NTM: variants seen among roughly 807,000 people sequenced by gnomAD.
NTM encodes IgLON family member 2.
Under a neutral mutation model 42.1 loss-of-function variants are expected in NTM, and 13 were observed. That is an observed-to-expected ratio of 0.31 (90% confidence interval 0.20 to 0.49). NTM has a LOEUF of 0.49. Among genes scored for constraint, NTM ranks in the 20% least tolerant of loss-of-function variants. NTM has a pLI of 0.99. For synonymous variants in NTM, 187 were observed against 179.2 expected, an observed-to-expected ratio of 1.04 and a Z score of -0.35; for missense variants, 373 against 452.8, an observed-to-expected ratio of 0.82 and a Z score of 1.60.
At chr11:131,859,044 T>G (rs1297931994) in intron 1 of NTM, among the ~76,000 whole-genome samples, 1 of 152,162 alleles carries the variant, frequency 6.6e-6, no homozygotes, top group Admixed American at 6.5e-5. Context: ...GGAAATCATT[T>G]CAATTCCTCA....
intron 2 of NTM, among the ~76,000 whole-genome samples, chr11:131,973,112 C>T (rs757269781): frequency 1.3e-5 from 2 of 152,208 alleles, no homozygotes; most frequent in Admixed American, 1.3e-4. Context: ...AAAGAGTGTT[C>T]TCCCAATCAG....
intron 2 of NTM, among the ~76,000 whole-genome samples, chr11:132,074,130 C>T (rs539531471): frequency 1.1e-4 from 17 of 152,316 alleles, no homozygotes; most frequent in South Asian, 6.2e-4. Context: ...GTTTGGAAAA[C>T]AATATGCAGT....
chr11:131,559,347 C>T (rs555967865), intron 1 of NTM, among the ~76,000 whole-genome samples: 35 of 152,324 alleles, frequency 2.3e-4, no homozygotes, highest in Admixed American at 1.4e-3. Context: ...GTATTTCAAT[C>T]GAGTGTTTCT....
chr11:131,448,236 G>A (rs1950216288), intron 1 of NTM, among the ~76,000 whole-genome samples: 1 of 152,240 alleles, frequency 6.6e-6, no homozygotes, highest in South Asian at 2.1e-4. Context: ...TGAGTGAGGG[G>A]TTGGAGCAGC....
chr11:132,224,417 G>A (rs1188990826), intron 4 of NTM, among the ~76,000 whole-genome samples: 1 of 152,060 alleles, frequency 6.6e-6, no homozygotes, highest in African/African-American at 2.4e-5. Context: ...TTTCTCTAGG[G>A]GAATGAATGG....
At chr11:131,636,129 T>C (rs2064343916) in intron 1 of NTM, among the ~76,000 whole-genome samples, 1 of 152,140 alleles carries the variant, frequency 6.6e-6, no homozygotes, top group African/African-American at 2.4e-5. Flanking sequence ...ACCTCCTCCA[T>C]TTCTGCACGC....
intron 2 of NTM, among the ~76,000 whole-genome samples, chr11:131,973,175 C>T (rs544920899): frequency 3.3e-5 from 5 of 152,298 alleles, no homozygotes; most frequent in African/African-American, 9.6e-5. Flanking sequence ...GGGATGACTG[C>T]GCACAAGTGA....
intron 1 of NTM, among the ~76,000 whole-genome samples, chr11:131,851,551 G>A (rs984371281): frequency 6.6e-6 from 1 of 151,876 alleles, no homozygotes; most frequent in Non-Finnish European, 1.5e-5. Context: ...GTGTGTGTGT[G>A]TGTGTGTGTG....
At chr11:131,583,313 C>T (rs2058579656) in intron 1 of NTM, among the ~76,000 whole-genome samples, 1 of 152,168 alleles carries the variant, frequency 6.6e-6, no homozygotes, top group Non-Finnish European at 1.5e-5. Flanking sequence ...TCCACCTCCC[C>T]AATATACTGC....
At chr11:132,142,670 C>T (rs1330658880) in intron 2 of NTM, among the ~76,000 whole-genome samples, 1 of 152,060 alleles carries the variant, frequency 6.6e-6, no homozygotes, top group Non-Finnish European at 1.5e-5. Context: ...AGACTGATAC[C>T]CAGCAGTGAC....
chr11:132,323,902 T>G (rs1237463628), intron 7 of NTM, among the ~76,000 whole-genome samples: 1 of 148,842 alleles, frequency 6.7e-6, no homozygotes, highest in African/African-American at 2.5e-5. Flanking sequence ...ATCCAGCATA[T>G]AAACAGAGCC....
chr11:132,237,655 C>T (rs1245012451), intron 4 of NTM, among the ~76,000 whole-genome samples: 1 of 152,106 alleles, frequency 6.6e-6, no homozygotes, highest in East Asian at 1.9e-4. Flanking sequence ...CAATGCTAGT[C>T]CCTCTCTCTG....
At chr11:132,167,167 G>T (rs897627990) in intron 3 of NTM, among the ~76,000 whole-genome samples, 1 of 152,020 alleles carries the variant, frequency 6.6e-6, no homozygotes, top group Admixed American at 6.5e-5. Flanking sequence ...CATGTACAAT[G>T]ATGAGCAAAA....
At chr11:131,410,238 C>T (rs979577657) in intron 1 of NTM, among the ~76,000 whole-genome samples, 1 of 151,874 alleles carries the variant, frequency 6.6e-6, no homozygotes, top group Non-Finnish European at 1.5e-5. Flanking sequence ...CTGTATTCTC[C>T]GAGGTAAGTG....
chr11:132,221,111 A>G (rs1254110503), intron 4 of NTM, among the ~76,000 whole-genome samples: 2 of 152,180 alleles, frequency 1.3e-5, no homozygotes, highest in Non-Finnish European at 2.9e-5. Context: ...CCATATCACT[A>G]GGTCCTCAGG....
chr11:131,730,721 A>AAAAAAAAAAAAAAAAAAAAAAAAG (rs113412896), intron 1 of NTM, among the ~76,000 whole-genome samples: 30 of 134,372 alleles, frequency 2.2e-4, no homozygotes, highest in Non-Finnish European at 4.3e-4. Flanking sequence ...CTATCTGTTA[A>AAAAAAAAAAAAAAAAAAAAAAAAG]AAGAAGAAGA....
At chr11:132,109,601 G>A (rs76837137) in intron 2 of NTM, among the ~76,000 whole-genome samples, 1 of 151,930 alleles carries the variant, frequency 6.6e-6, no homozygotes, top group Non-Finnish European at 1.5e-5. Flanking sequence ...ACTTATCAAG[G>A]TGTCAAGACC....
chr11:131,785,871 G>A (rs182565317), intron 1 of NTM, among the ~76,000 whole-genome samples: 2 of 152,360 alleles, frequency 1.3e-5, no homozygotes, highest in African/African-American at 2.4e-5. Context: ...TATTAGGATA[G>A]CCTTTGGCGA....
chr11:131,389,050 G>GAAAAAAAAAGA (rs67940996), intron 1 of NTM, among the ~76,000 whole-genome samples: 1 of 100,170 alleles, frequency 1.0e-5, no homozygotes, highest in African/African-American at 3.7e-5. Flanking sequence ...AAAAGAAAAG[G>GAAAAAAAAAGA]AAAAAGAAAG....
Sources: allele counts gnomAD v4.1 joint callset (sites outside exome capture counted in the v4.1 genomes callset), GRCh38; gene constraint gnomAD v4.1.1; transcripts MANE v1.5; gene names NCBI Gene and HGNC (gene_info 2026-07-23, HGNC 2026-07-21).